KIF1B: variants seen among roughly 807,000 people sequenced by gnomAD.
The protein encoded by KIF1B is kinesin family member 1B, also known as kinesin-like protein KIF1B.
In KIF1B, 76 loss-of-function variants were observed where a neutral mutation model predicts 241.9. That is an observed-to-expected ratio of 0.31 (90% CI 0.26 to 0.38). The LOEUF is 0.38. KIF1B is among the 10% of genes least tolerant of loss of function. The probability of loss-of-function intolerance (pLI) is 1.00; values close to 1 mark genes in which losing one functional copy is unlikely to be tolerated. For missense variants in KIF1B, 1,622 were observed against 2,271.4 expected (o/e 0.71, Z 5.81); for synonymous variants, 750 against 796.7 (o/e 0.94, Z 0.99).
intron 26 of KIF1B, 22 bp downstream of exon 26, chr1:10,324,917 GTCT>G (rs1403542785): frequency 3.7e-6 from 6 of 1,612,952 alleles, no homozygotes; most frequent in Non-Finnish European, 5.1e-6. Context: ...TTTTGTTGAT[GTCT>G]TCTTTTAAAA....
chr1:10,346,540 T>C (rs1652597134), intron 35 of KIF1B, among the ~76,000 whole-genome samples: 1 of 152,072 alleles, frequency 6.6e-6, no homozygotes. Context: ...AATTTTTGTA[T>C]TTTTAGTAGA....
intron 45 of KIF1B, among the ~76,000 whole-genome samples, chr1:10,371,866 A>G (rs1404596313): frequency 6.6e-6 from 1 of 151,990 alleles, no homozygotes; most frequent in Non-Finnish European, 1.5e-5. Context: ...CCAGGAGTTC[A>G]AGGTTGCAGT....
chr1:10,273,323 G>A (rs1025770353), intron 10 of KIF1B, among the ~76,000 whole-genome samples: 5 of 152,178 alleles, frequency 3.3e-5, no homozygotes, highest in Non-Finnish European at 7.3e-5. Flanking sequence ...GGAGGCCAAG[G>A]CGGGCGGATC....
At chr1:10,271,427 C>T in intron 7 of KIF1B, 75 bp from the exon 8 acceptor site, 1 of 1,045,384 alleles carries the variant, frequency 9.6e-7, no homozygotes, top group Middle Eastern at 2.0e-4. Flanking sequence ...TTTTAAAAAG[C>T]ATTCTGCCTC....
intron 44 of KIF1B, 103 bp from the exon 45 acceptor site, chr1:10,371,038 A>G: frequency 7.5e-7 from 1 of 1,336,554 alleles, no homozygotes; most frequent in South Asian, 1.2e-5. Flanking sequence ...TTCTGAAACA[A>G]GATGTATCAA....
chr1:10,269,583 G>T (rs1383191532), intron 7 of KIF1B, among the ~76,000 whole-genome samples: 2 of 151,662 alleles, frequency 1.3e-5, no homozygotes, highest in Admixed American at 6.6e-5. Flanking sequence ...ACTTTGGGAG[G>T]CTGAGGCGGG....
At chr1:10,254,676 A>G (rs1489761916) in intron 2 of KIF1B, among the ~76,000 whole-genome samples, 1 of 151,916 alleles carries the variant, frequency 6.6e-6, no homozygotes, top group African/African-American at 2.4e-5. Context: ...GGAGATCAAG[A>G]CCATCCTGGC....
chr1:10,304,493 A>G (rs1382252621), intron 22 of KIF1B: 5 of 1,611,922 alleles, frequency 3.1e-6, no homozygotes, highest in Non-Finnish European at 4.2e-6. Flanking sequence ...TACTGTAATT[A>G]TAACACTGGA....
At chr1:10,238,732 ACAAC>A (rs201193236) in intron 2 of KIF1B, among the ~76,000 whole-genome samples, 2 of 151,912 alleles carry the variant, frequency 1.3e-5, no homozygotes, top group Non-Finnish European at 2.9e-5. Context: ...AACAACAACA[ACAAC>A]AAAAAACACC....
Position 10,378,594 on chromosome 1 carries a change from T to A in KIF1B, c.*2007T>A. ...TCCTCGGCCTTGAGGTTGCTGACTC[T>A]CAGGCGTTAGGCAGCTGGATGACTT... On this transcript the variant is annotated 3_prime_UTR_variant, in exon 49 of 49. Transcript: ENST00000676179. The A allele has an allele frequency of 1.7e-6, 1 of 602,332 alleles. No individual in the cohort carries two copies. Among genetic ancestry groups the A allele is most frequent in the Non-Finnish European group, 3.0e-6 (1 of 336,020 alleles). The allele number at this position is 602,332 out of a possible 1,614,324, so 37.3% of individuals were successfully genotyped here.
chr1:10,212,932 A>G (rs1222313013), intron 1 of KIF1B, among the ~76,000 whole-genome samples: 2 of 86,576 alleles, frequency 2.3e-5, no homozygotes, highest in South Asian at 3.4e-4. Context: ...ATATATATAT[A>G]CACACACACA....
intron 26 of KIF1B, among the ~76,000 whole-genome samples, chr1:10,325,329 C>G (rs1169204590): frequency 6.6e-6 from 1 of 152,034 alleles, no homozygotes; most frequent in African/African-American, 2.4e-5. Flanking sequence ...ATTAATTGCA[C>G]CTTGGTAGTC....
At chr1:10,287,283 G>A (rs1428876255) in intron 15 of KIF1B, among the ~76,000 whole-genome samples, 2 of 152,132 alleles carry the variant, frequency 1.3e-5, no homozygotes, top group Non-Finnish European at 2.9e-5. Context: ...TGCAACCTCT[G>A]CCTTCCAGGT....
chr1:10,306,757 TAA>T (rs745772393), intron 22 of KIF1B: 37,511 of 551,140 alleles, frequency 0.068, 1 homozygote, highest in Middle Eastern at 0.11. Context: ...AACCTGTCTT[TAA>T]AAAAAAAAAA....
chr1:10,366,091 C>T (rs530848239), intron 43 of KIF1B, among the ~76,000 whole-genome samples: 10 of 152,044 alleles, frequency 6.6e-5, no homozygotes, highest in East Asian at 5.8e-4. Flanking sequence ...ATTAGCCAGG[C>T]GTGGTGGCGA....
chr1:10,345,595 C>T, intron 34 of KIF1B: 1 of 476,692 alleles, frequency 2.1e-6, no homozygotes, highest in South Asian at 2.1e-5. Flanking sequence ...GCTGTTTTCT[C>T]ATCATTAGAG....
At position 10,267,574 on chromosome 1, in the gene KIF1B, G is replaced by C. The variant is rs759964665; in HGVS notation, c.608+16G>C. 1.2e-5 allele frequency: 20 copies of C among 1,613,452 alleles called. 1 individual carries two copies. In the South Asian group the frequency reaches 2.2e-4, roughly 18 times the overall value. ...ACAAAGCCAGGTATGGTAGGAAATA[G>C]AGTAATGACTGAGGTCTTTGGCACC... is the stretch of plus-strand genomic sequence containing the variant. On this transcript the variant is annotated intron_variant, in intron 6 of 48. Transcript: ENST00000676179.
chr1:10,312,315 CTT>C (rs776222888), intron 22 of KIF1B, among the ~76,000 whole-genome samples: 20 of 151,572 alleles, frequency 1.3e-4, no homozygotes, highest in Non-Finnish European at 2.4e-4. Flanking sequence ...GACTCCATCT[CTT>C]TTCACCACCT....
intron 1 of KIF1B, among the ~76,000 whole-genome samples, chr1:10,212,888 G>GTGTGTA (rs1646711988): frequency 1.7e-5 from 1 of 60,326 alleles, no homozygotes; most frequent in Non-Finnish European, 3.0e-5. Context: ...GCATGCGTGT[G>GTGTGTA]TGTATATATA....
Sources: gnomAD v4.1 joint callset for allele counts (sites outside exome capture counted in the v4.1 genomes callset) on GRCh38, gnomAD v4.1.1 for gene constraint, MANE v1.5 for transcripts, NCBI Gene and HGNC (gene_info 2026-07-23, HGNC 2026-07-21) for gene names.